RARB: variants seen among roughly 807,000 people sequenced by gnomAD.
The protein encoded by RARB is HBV-activated protein.
Under a neutral mutation model 51.9 loss-of-function variants are expected in RARB, and 17 were observed. The observed-to-expected ratio is 0.33, with a 90% CI of 0.22 to 0.49. The LOEUF (loss-of-function observed/expected upper bound fraction) is 0.49. Ranked by LOEUF, RARB falls within the 20% of genes least tolerant of loss-of-function variation. The pLI, the probability that RARB is intolerant of heterozygous loss-of-function variation, is 0.99. For missense variants in RARB, 369 were observed against 550.8 expected (o/e 0.67, Z 3.30); for synonymous variants, 215 against 195.4 (o/e 1.10, Z -0.84).
intron 2 of RARB, among the ~76,000 whole-genome samples, chr3:25,032,484 C>T (rs1485403480): frequency 1.3e-5 from 2 of 152,172 alleles, no homozygotes; most frequent in African/African-American, 4.8e-5. Flanking sequence ...CTGTCTTATT[C>T]ACTGATTACG....
chr3:24,907,447 G>A (rs1021609220), intron 2 of RARB, among the ~76,000 whole-genome samples: 4 of 152,172 alleles, frequency 2.6e-5, no homozygotes, highest in African/African-American at 9.7e-5. Flanking sequence ...ATAGGGAGAA[G>A]CCAAGCAAAT....
At chr3:24,951,221 G>A (rs1422108258) in intron 2 of RARB, among the ~76,000 whole-genome samples, 1 of 152,160 alleles carries the variant, frequency 6.6e-6, no homozygotes, top group African/African-American at 2.4e-5. Flanking sequence ...CATGGTGTTA[G>A]AAGTAGGCCA....
chr3:24,930,314 A>G (rs1182233270), intron 2 of RARB, among the ~76,000 whole-genome samples: 1 of 151,548 alleles, frequency 6.6e-6, no homozygotes, highest in Admixed American at 6.6e-5. Context: ...TAGAGGTGGG[A>G]TGCATCCAGG....
intron 3 of RARB, among the ~76,000 whole-genome samples, chr3:25,566,513 CA>C (rs1376821667): frequency 6.6e-6 from 1 of 152,202 alleles, no homozygotes; most frequent in African/African-American, 2.4e-5. Context: ...TGTGATTTTG[CA>C]AACGGCGTGT....
chr3:24,911,188 C>A (rs1302008416), intron 2 of RARB, among the ~76,000 whole-genome samples: 1 of 152,100 alleles, frequency 6.6e-6, no homozygotes, highest in African/African-American at 2.4e-5. Flanking sequence ...TCTTCTCTCT[C>A]GGAAGAAAGT....
chr3:25,218,182 C>T (rs1255461140), intron 5 of RARB, among the ~76,000 whole-genome samples: 1 of 152,098 alleles, frequency 6.6e-6, no homozygotes, highest in East Asian at 1.9e-4. Flanking sequence ...GCTCCCCAGG[C>T]AGAGGACAGT....
At chr3:25,177,539 T>G (rs1437482203) in intron 5 of RARB, among the ~76,000 whole-genome samples, 2 of 152,202 alleles carry the variant, frequency 1.3e-5, no homozygotes, top group Non-Finnish European at 2.9e-5. Flanking sequence ...CTAGAAAGAA[T>G]AAATTCTCCT....
chr3:24,986,970 G>GGTC (rs60379191), intron 2 of RARB, among the ~76,000 whole-genome samples: 72,981 of 151,638 alleles, frequency 0.48, 17,944 homozygotes, highest in Admixed American at 0.59. Flanking sequence ...AGATTTCAAC[G>GGTC]GTCGTCATCT....
At chr3:25,018,935 T>G (rs1235653162) in intron 2 of RARB, among the ~76,000 whole-genome samples, 2 of 152,148 alleles carry the variant, frequency 1.3e-5, no homozygotes, top group African/African-American at 2.4e-5. Flanking sequence ...CCAACTTAAG[T>G]TTATGCTACT....
intron 3 of RARB, among the ~76,000 whole-genome samples, chr3:25,084,346 A>G (rs1699065043): frequency 6.6e-6 from 1 of 152,188 alleles, no homozygotes; most frequent in African/African-American, 2.4e-5. Context: ...ATAGTTCTTT[A>G]GAAGAACTCT....
chr3:25,362,654 G>C (rs1453450395), intron 5 of RARB, among the ~76,000 whole-genome samples: 2 of 152,302 alleles, frequency 1.3e-5, no homozygotes, highest in African/African-American at 4.8e-5. Context: ...CATGAGAAAA[G>C]CATAGTATCT....
At chr3:25,046,658 T>C (rs1415941023) in intron 2 of RARB, among the ~76,000 whole-genome samples, 2 of 152,128 alleles carry the variant, frequency 1.3e-5, no homozygotes, top group African/African-American at 2.4e-5. Flanking sequence ...TTTCACCATG[T>C]TGGTCAGGCT....
Position 25,428,841 on chromosome 3 carries a change from T to C in RARB, c.110T>C (p.Phe37Ser). 1 of 1,614,104 alleles carries C rather than the reference T, an allele frequency of 6.2e-7. No individual in the cohort carries two copies. The highest frequency in any genetic ancestry group is 8.5e-7 in the Non-Finnish European group (1 of 1,179,986). Residue 37 changes from phenylalanine (F) to serine (S), a missense_variant, in exon 1 of 8, where the codon TTC (phenylalanine) becomes TCC (serine). By Grantham distance (155) the Phe-to-Ser change is radical (BLOSUM62 -2). Transcript: ENST00000330688. ...CAGGAGAAAGCTCTCAAAGCATGCT[T>C]CAGTGGATTGACCCAAACCGAATGG... is the stretch of plus-strand genomic sequence containing the variant. ...MLQEKALKAC[F>S]SGLTQTEWQH... is the part of the protein sequence containing the mutation.
At chr3:25,024,158 T>A (rs873391) in intron 2 of RARB, among the ~76,000 whole-genome samples, 53,807 of 152,060 alleles carry the variant, frequency 0.35, 9,776 homozygotes, top group Non-Finnish European at 0.39. Context: ...GAAAATTAGG[T>A]TAATTAAAAC....
intron 2 of RARB, among the ~76,000 whole-genome samples, chr3:24,985,203 T>C (rs1575106083): frequency 2.6e-5 from 4 of 152,234 alleles, no homozygotes; most frequent in Admixed American, 1.3e-4. Flanking sequence ...TAACTTGTTA[T>C]CTTGAATCAC....
chr3:25,130,797 G>C (rs920257762), intron 3 of RARB, among the ~76,000 whole-genome samples: 1 of 150,902 alleles, frequency 6.6e-6, no homozygotes, highest in Non-Finnish European at 1.5e-5. Context: ...TACAGAAACT[G>C]CTTGATCTGG....
At chr3:25,055,347 C>T (rs1050741568) in intron 2 of RARB, among the ~76,000 whole-genome samples, 2 of 152,028 alleles carry the variant, frequency 1.3e-5, no homozygotes, top group Non-Finnish European at 2.9e-5. Context: ...TGCCAAGTAC[C>T]ATGAATGTAT....
intron 5 of RARB, among the ~76,000 whole-genome samples, chr3:25,242,406 C>T (rs561465854): frequency 6.6e-6 from 1 of 152,210 alleles, no homozygotes; most frequent in East Asian, 1.9e-4. Flanking sequence ...ACGGTATTGC[C>T]TAGGTTTTCT....
In RARB at chr3:25,597,327, TA is replaced by T. The variant is rs1206924012; in HGVS notation, c.*713del. On this transcript the variant is annotated 3_prime_UTR_variant, in exon 8 of 8. Coordinates refer to ENST00000330688, the MANE Select transcript of RARB (RefSeq NM_000965.5). ...GTATCAGTGTAACTGCCAGTTCAGTTAATCAAATGTCATTTGTTCAATTGTT... is the reference window on the plus strand; with the variant it reads ...GTATCAGTGTAACTGCCAGTTCAGTTATCAAATGTCATTTGTTCAATTGTT... 2 of 152,598 alleles carry T rather than the reference TA, an allele frequency of 1.3e-5. No individual in the cohort carries two copies. The highest frequency in any genetic ancestry group is 2.9e-5 in the Non-Finnish European group (2 of 68,044). 9.5% of individuals were successfully genotyped at this position (152,598 alleles called of 1,614,324 possible).
Sources: allele counts gnomAD v4.1 joint callset (sites outside exome capture counted in the v4.1 genomes callset), GRCh38; gene constraint gnomAD v4.1.1; transcripts MANE v1.5; gene names NCBI Gene and HGNC (gene_info 2026-07-23, HGNC 2026-07-21).